OPCML: variants seen among roughly 807,000 people sequenced by gnomAD.
The protein encoded by OPCML is opioid-binding protein/cell adhesion molecule.
In OPCML, 13 loss-of-function variants were observed where a neutral mutation model predicts 37.8. The ratio of observed to expected loss-of-function variants is 0.34; its 90% CI spans 0.22 to 0.55. The LOEUF is 0.55. OPCML is among the 20% of genes least tolerant of loss of function. The pLI, the probability that OPCML is intolerant of heterozygous loss-of-function variation, is 0.91. For missense variants in OPCML, 341 were observed against 435.6 expected, an observed-to-expected ratio of 0.78 and a Z score of 1.93; for synonymous variants, 176 against 168.8, an observed-to-expected ratio of 1.04 and a Z score of -0.33.
At chr11:132,728,337 T>C (rs543665766) in intron 2 of OPCML, among the ~76,000 whole-genome samples, 1 of 152,278 alleles carries the variant, frequency 6.6e-6, no homozygotes, top group Non-Finnish European at 1.5e-5. Context: ...AGCGGAGTCA[T>C]GTCAACTCAC....
At chr11:133,424,405 C>T (rs1477106873) in intron 1 of OPCML, among the ~76,000 whole-genome samples, 2 of 152,126 alleles carry the variant, frequency 1.3e-5, no homozygotes, top group African/African-American at 4.8e-5. Flanking sequence ...AACCTGTAAT[C>T]TTATAACCCT....
intron 2 of OPCML, among the ~76,000 whole-genome samples, chr11:132,803,564 G>A (rs1183457996): frequency 6.6e-6 from 1 of 152,120 alleles, no homozygotes; most frequent in Non-Finnish European, 1.5e-5. Context: ...GGAACCAGAG[G>A]CCTAAAGCCC....
intron 4 of OPCML, among the ~76,000 whole-genome samples, chr11:132,474,224 C>T (rs1440935283): frequency 2.0e-5 from 3 of 152,086 alleles, no homozygotes; most frequent in Non-Finnish European, 4.4e-5. Flanking sequence ...AGGTAGCCTG[C>T]CTCCTGCCTT....
At chr11:133,471,202 G>A (rs1440350466) in intron 1 of OPCML, among the ~76,000 whole-genome samples, 1 of 152,230 alleles carries the variant, frequency 6.6e-6, no homozygotes, top group Non-Finnish European at 1.5e-5. Context: ...AGGTTGGAAT[G>A]ACTAGGGATG....
intron 3 of OPCML, among the ~76,000 whole-genome samples, chr11:132,584,698 G>C (rs1453077824): frequency 1.3e-5 from 2 of 152,082 alleles, no homozygotes; most frequent in African/African-American, 4.8e-5. Flanking sequence ...CAGATTATAG[G>C]ATTCCCCAAT....
chr11:132,547,519 G>C (rs1261522602), intron 3 of OPCML, among the ~76,000 whole-genome samples: 2 of 152,114 alleles, frequency 1.3e-5, no homozygotes, highest in Non-Finnish European at 2.9e-5. Context: ...TGAACAGCCA[G>C]GTTCCAAACC....
chr11:133,070,435 C>G (rs1307755206), intron 1 of OPCML, among the ~76,000 whole-genome samples: 1 of 152,140 alleles, frequency 6.6e-6, no homozygotes. Context: ...TTCATAATCT[C>G]TACCCAGCAT....
intron 2 of OPCML, among the ~76,000 whole-genome samples, chr11:132,827,060 T>C (rs1160530488): frequency 6.6e-6 from 1 of 152,204 alleles, no homozygotes; most frequent in East Asian, 1.9e-4. Flanking sequence ...TGTTCCATGG[T>C]TGTTTCTTTT....
At chr11:132,939,597 T>C (rs917080073) in intron 2 of OPCML, among the ~76,000 whole-genome samples, 8 of 152,170 alleles carry the variant, frequency 5.3e-5, no homozygotes, top group African/African-American at 1.9e-4. Flanking sequence ...CCCCTCAAAA[T>C]GTTCATGTAC....
At chr11:133,046,613 C>T (rs1311712399) in intron 1 of OPCML, among the ~76,000 whole-genome samples, 3 of 152,196 alleles carry the variant, frequency 2.0e-5, no homozygotes, top group Non-Finnish European at 4.4e-5. Context: ...TAACACTTTG[C>T]CCACATTCCT....
chr11:133,070,114 GTTCCACCA>G (rs1948500469), intron 1 of OPCML, among the ~76,000 whole-genome samples: 1 of 152,144 alleles, frequency 6.6e-6, no homozygotes. Flanking sequence ...AAGAGAGTCC[GTTCCACCA>G]TAAAGTGATT....
At chr11:133,399,991 A>G (rs1225855696) in intron 1 of OPCML, among the ~76,000 whole-genome samples, 1 of 151,980 alleles carries the variant, frequency 6.6e-6, no homozygotes, top group Non-Finnish European at 1.5e-5. Context: ...AGGGTGGAAA[A>G]CTTGGTTTGG....
chr11:132,536,028 G>A (rs1017323296), intron 3 of OPCML, among the ~76,000 whole-genome samples: 1 of 152,100 alleles, frequency 6.6e-6, no homozygotes, highest in Admixed American at 6.5e-5. Context: ...AGTCCTCAAG[G>A]TGAATTTGGC....
intron 1 of OPCML, chr11:133,067,350 C>T (rs1948456892): frequency 6.6e-6 from 1 of 152,192 alleles, no homozygotes; most frequent in African/African-American, 2.4e-5. Context: ...CTGCCAATCA[C>T]TCTTCAATAT....
At chr11:133,340,050 GA>G (rs926276751) in intron 1 of OPCML, among the ~76,000 whole-genome samples, 27 of 151,986 alleles carry the variant, frequency 1.8e-4, no homozygotes, top group Non-Finnish European at 3.2e-4. Context: ...TTTGTATCTA[GA>G]AAAAAAATGT....
intron 3 of OPCML, among the ~76,000 whole-genome samples, chr11:132,655,996 G>T (rs910578373): frequency 6.0e-5 from 9 of 151,058 alleles, no homozygotes; most frequent in Admixed American, 2.0e-4. Context: ...ATAAAAGGCA[G>T]ATGCTAAAGA....
At chr11:133,137,446 T>A (rs59792815) in intron 1 of OPCML, among the ~76,000 whole-genome samples, 1,988 of 152,308 alleles carry the variant, frequency 0.013, 32 homozygotes, top group African/African-American at 0.046. Context: ...TTGCCATGTG[T>A]CTGTTTGCTT....
chr11:133,528,377 A>T (rs1029132678), intron 1 of OPCML, among the ~76,000 whole-genome samples: 4 of 152,218 alleles, frequency 2.6e-5, no homozygotes, highest in African/African-American at 9.6e-5. Flanking sequence ...CTTGCTCATG[A>T]CCAGATGCTC....
At chr11:132,944,467 C>T (rs1479581956) in intron 1 of OPCML, among the ~76,000 whole-genome samples, 4 of 152,176 alleles carry the variant, frequency 2.6e-5, no homozygotes, top group African/African-American at 9.7e-5. Flanking sequence ...TCCGAGGACC[C>T]ACCTCGGAAA....
Sources: gnomAD v4.1 joint callset for allele counts (sites outside exome capture counted in the v4.1 genomes callset) on GRCh38, gnomAD v4.1.1 for gene constraint, MANE v1.5 for transcripts, NCBI Gene and HGNC (gene_info 2026-07-23, HGNC 2026-07-21) for gene names.